Variants in MTUS1 observed in about 807,000 individuals in gnomAD.
MTUS1 encodes microtubule-associated tumor suppressor 1.
In MTUS1, 109 loss-of-function variants were observed where a neutral mutation model predicts 120.8. The observed-to-expected ratio is 0.90, with a 90% CI of 0.77 to 1.06. The LOEUF (loss-of-function observed/expected upper bound fraction) is 1.06, where lower values mean the gene tolerates loss of function less well. MTUS1 is among the 50% of genes least tolerant of loss of function. The pLI is 0.00. For missense variants in MTUS1, 2,210 were observed against 1,486.3 expected, an observed-to-expected ratio of 1.49 and a Z score of -8.01; for synonymous variants, 737 against 550.5, an observed-to-expected ratio of 1.34 and a Z score of -4.74.
chr8:17,701,239 A>G (rs1048920517), intron 6 of MTUS1, among the ~76,000 whole-genome samples: 3 of 152,072 alleles, frequency 2.0e-5, no homozygotes. Context: ...TCTTCATTTT[A>G]CTCCTCACAG....
At chr8:17,725,286 C>A (rs2046150241) in intron 3 of MTUS1, among the ~76,000 whole-genome samples, 1 of 152,252 alleles carries the variant, frequency 6.6e-6, no homozygotes, top group East Asian at 1.9e-4. Flanking sequence ...TTGCTTTGTT[C>A]TAGCGATTTT....
At chr8:17,666,090 CTT>C (rs57062684) in intron 8 of MTUS1, among the ~76,000 whole-genome samples, 61,019 of 109,604 alleles carry the variant, frequency 0.56, 17,129 homozygotes, top group Middle Eastern at 0.71. Context: ...AGAACAGATG[CTT>C]TTTTTTTTTT....
intron 8 of MTUS1, among the ~76,000 whole-genome samples, chr8:17,673,106 C>G (rs556657498): frequency 6.6e-6 from 1 of 152,330 alleles, no homozygotes; most frequent in South Asian, 2.1e-4. Flanking sequence ...TCCTGATCTT[C>G]TAACTCTGTT....
intron 8 of MTUS1, among the ~76,000 whole-genome samples, chr8:17,661,849 C>A (rs1044854110): frequency 6.6e-6 from 1 of 152,212 alleles, no homozygotes; most frequent in African/African-American, 2.4e-5. Context: ...GCTCTGTTTA[C>A]TGGCCCGGTG....
chr8:17,726,135 A>T (rs76440095), intron 3 of MTUS1, among the ~76,000 whole-genome samples: 2,522 of 152,184 alleles, frequency 0.017, 73 homozygotes, highest in African/African-American at 0.057. Context: ...CAGTGAATCC[A>T]AAGTCAGCTC....
intron 8 of MTUS1, among the ~76,000 whole-genome samples, chr8:17,665,147 T>C (rs190571293): frequency 6.6e-6 from 1 of 152,308 alleles, no homozygotes; most frequent in African/African-American, 2.4e-5. Context: ...TAAAGATACT[T>C]TGTCAAATGA....
At chr8:17,690,712 C>G (rs1034746046) in intron 6 of MTUS1, among the ~76,000 whole-genome samples, 1 of 152,096 alleles carries the variant, frequency 6.6e-6, no homozygotes, top group Non-Finnish European at 1.5e-5. Context: ...GTGCCTAGGA[C>G]TCAGGTCACC....
At chr8:17,698,587 A>T (rs1170420624) in intron 6 of MTUS1, among the ~76,000 whole-genome samples, 5 of 152,216 alleles carry the variant, frequency 3.3e-5, no homozygotes, top group Admixed American at 6.5e-5. Flanking sequence ...ATAAATGCAG[A>T]ATTGTTACCA....
In MTUS1 at chr8:17,754,963, C is replaced by G. The variant is rs755004724; in HGVS notation, c.845G>C (p.Arg282Thr). Residue 282 changes from arginine (R) to threonine (T), a missense_variant, in exon 2 of 15, where the codon AGA (arginine) becomes ACA (threonine). Transcript: ENST00000693296. ...TSEYTDGSQQRLVGEKETQAL... is the reference protein window; with the variant it reads ...TSEYTDGSQQTLVGEKETQAL... ...TTGTGTCTCCTTTTCTCCAACTAGT[C>G]TTTGTTGTGATCCATCTGTGTACTC... 2.5e-6 allele frequency: 4 copies of G among 1,614,086 alleles called. No homozygotes were observed. In the East Asian group the frequency reaches 8.9e-5, roughly 36 times the overall value.
chr8:17,765,106 G>C (rs1249063284), intron 1 of MTUS1, among the ~76,000 whole-genome samples: 1 of 152,186 alleles, frequency 6.6e-6, no homozygotes, highest in East Asian at 1.9e-4. Context: ...TCGCAACCTA[G>C]ATACCTCGCA....
chr8:17,679,356 C>CGCGCGT (rs1554478228), intron 7 of MTUS1, among the ~76,000 whole-genome samples: 1 of 112,496 alleles, frequency 8.9e-6, no homozygotes, highest in Non-Finnish European at 2.2e-5. Context: ...TGTGCGCGCG[C>CGCGCGT]GTGTGTGTGT....
chr8:17,756,234 C>T (rs1249854013), intron 1 of MTUS1, among the ~76,000 whole-genome samples: 3 of 152,226 alleles, frequency 2.0e-5, no homozygotes, highest in African/African-American at 4.8e-5. Flanking sequence ...TATGCCTCTC[C>T]CCCACTCCCA....
intron 7 of MTUS1, among the ~76,000 whole-genome samples, chr8:17,678,020 A>G: frequency 6.6e-6 from 1 of 152,186 alleles, no homozygotes; most frequent in East Asian, 1.9e-4. Flanking sequence ...TCATCTATCA[A>G]GGCAGATGAC....
rs185663553 is a variant in MTUS1, at chr8:17,723,704, G to A, written c.2417C>T (p.Thr806Ile). Residue 806 changes from threonine (T) to isoleucine (I), a missense_variant, in exon 4 of 15, where the codon ACC becomes ATC. Thr to Ile is a moderately conservative substitution (Grantham distance 89). Coordinates refer to ENST00000693296, the MANE Select transcript of MTUS1 (RefSeq NM_001363059.2). ...RTGSTPSIASTHSELSTYSNN... is the reference protein window; with the variant it reads ...RTGSTPSIASIHSELSTYSNN... ...GCTGTAAGTGCTCAGCTCACTGTGG[G>A]TGCTGGCTATTGAGGGGGTGCTTCC... is the stretch of plus-strand genomic sequence containing the variant. 181 of 1,611,048 alleles carry A rather than the reference G, an allele frequency of 1.1e-4. 8 individuals are homozygous for A. The highest frequency in any genetic ancestry group is 3.7e-4 in the Admixed American group (22 of 59,882).
At chr8:17,678,078 C>T (rs1813483381) in intron 7 of MTUS1, among the ~76,000 whole-genome samples, 1 of 152,122 alleles carries the variant, frequency 6.6e-6, no homozygotes, top group Non-Finnish European at 1.5e-5. Flanking sequence ...GCTTTAAATA[C>T]CATCCATAGA....
At chr8:17,728,152 G>C (rs2046338269) in intron 3 of MTUS1, among the ~76,000 whole-genome samples, 1 of 152,176 alleles carries the variant, frequency 6.6e-6, no homozygotes, top group Non-Finnish European at 1.5e-5. Context: ...GTGGGGAAGG[G>C]AAATGGGGAG....
intron 6 of MTUS1, chr8:17,697,457 C>T (rs766269751): frequency 6.6e-6 from 10 of 1,520,256 alleles, no homozygotes; most frequent in Middle Eastern, 1.8e-4. Context: ...AAACTCAGTA[C>T]TCTTCAAGGC....
chr8:17,705,442 T>A (rs1819964965), intron 6 of MTUS1, among the ~76,000 whole-genome samples: 1 of 152,230 alleles, frequency 6.6e-6, no homozygotes, highest in African/African-American at 2.4e-5. Flanking sequence ...TTTGTATATA[T>A]GTGAAAAAGA....
In MTUS1 at chr8:17,684,276, G is replaced by A. The variant is rs374408198; in HGVS notation, c.2838+52C>T. On this transcript the variant is annotated intron_variant, in intron 7 of 14. Coordinates refer to ENST00000693296, the MANE Select transcript of MTUS1 (RefSeq NM_001363059.2). ...GCCAGCGTGTGAGCAAGTCCTCCCC[G>A]TGCTCCCCCGACCTCAAGTAGAAAG... 329 of 1,374,010 alleles carry A rather than the reference G, an allele frequency of 2.4e-4. 2 individuals carry two copies. The African/African-American group carries it at 3.0e-3, about 12-fold the overall frequency. The allele number at this position is 1,374,010 out of a possible 1,614,324, so 85.1% of individuals were successfully genotyped here. A position where few individuals can be genotyped will look rare whatever the true frequency, so the allele number is the denominator to read the frequency against.
Sources: allele counts gnomAD v4.1 joint callset (sites outside exome capture counted in the v4.1 genomes callset), GRCh38; gene constraint gnomAD v4.1.1; transcripts MANE v1.5; gene names NCBI Gene and HGNC (gene_info 2026-07-23, HGNC 2026-07-21).